LARGE1: variants seen among roughly 807,000 people sequenced by gnomAD.
LARGE1 encodes the protein LARGE xylosyl- and glucuronyltransferase 1.
A neutral mutation model predicts 87.6 loss-of-function variants in LARGE1; 43 were observed. That is an observed-to-expected ratio of 0.49 (90% confidence interval 0.38 to 0.63). The LOEUF is 0.63. LARGE1 is among the 30% of genes least tolerant of loss of function. The probability of loss-of-function intolerance (pLI) is 0.00; values close to 1 mark genes in which losing one functional copy is unlikely to be tolerated. For missense variants in LARGE1, 802 were observed against 1,000.2 expected (o/e 0.80, Z 2.67); for synonymous variants, 434 against 394.6 (o/e 1.10, Z -1.18).
chr22:33,849,078 T>G (rs1049303418), intron 1 of LARGE1, among the ~76,000 whole-genome samples: 1 of 152,230 alleles, frequency 6.6e-6, no homozygotes, highest in African/African-American at 2.4e-5. Context: ...ACAGGGACTG[T>G]GTAGAGAAAG....
At chr22:33,660,070 T>TTG (rs1160067357) in intron 2 of LARGE1, among the ~76,000 whole-genome samples, 250 of 141,152 alleles carry the variant, frequency 1.8e-3, no homozygotes, top group Middle Eastern at 7.2e-3. Context: ...AAATGTTTTG[T>TTG]TGTGTGTGTG....
At chr22:33,744,947 G>A (rs1040124031) in intron 2 of LARGE1, among the ~76,000 whole-genome samples, 2 of 152,168 alleles carry the variant, frequency 1.3e-5, no homozygotes, top group Non-Finnish European at 2.9e-5. Context: ...TGATGCTAGT[G>A]CCTCCCTGGG....
chr22:33,285,926 C>A (rs191121218), intron 12 of LARGE1, among the ~76,000 whole-genome samples: 1 of 152,302 alleles, frequency 6.6e-6, no homozygotes, highest in Admixed American at 6.5e-5. Flanking sequence ...TGGATCTCAC[C>A]AGCTCCCAGT....
At chr22:33,573,455 G>C (rs2078265548) in intron 5 of LARGE1, among the ~76,000 whole-genome samples, 1 of 152,074 alleles carries the variant, frequency 6.6e-6, no homozygotes, top group African/African-American at 2.4e-5. Context: ...AACAAAAAAA[G>C]TCATCTGCAT....
intron 1 of LARGE1, among the ~76,000 whole-genome samples, chr22:33,765,913 C>T (rs1475569095): frequency 6.6e-6 from 1 of 152,048 alleles, no homozygotes; most frequent in Admixed American, 6.6e-5. Context: ...AGTTTTAAAA[C>T]AGAATCTATG....
At chr22:33,718,541 T>C (rs769870397) in intron 2 of LARGE1, among the ~76,000 whole-genome samples, 40 of 152,366 alleles carry the variant, frequency 2.6e-4, no homozygotes, top group Non-Finnish European at 4.9e-4. Context: ...AGGTTCTTAT[T>C]GGGTGAAAAC....
the LARGE1 span, among the ~76,000 whole-genome samples, chr22:33,089,368 T>TCTTCTTCTC: frequency 1.4e-4 from 11 of 78,284 alleles, no homozygotes; most frequent in African/African-American, 2.4e-4. Flanking sequence ...TTCTTCTTCT[T>TCTTCTTCTC]CTCCTTCTTC....
At chr22:33,555,834 A>G (rs1243780093) in intron 6 of LARGE1, among the ~76,000 whole-genome samples, 1 of 151,596 alleles carries the variant, frequency 6.6e-6, no homozygotes, top group African/African-American at 2.4e-5. Context: ...GGAGGCTGAG[A>G]CAGGAGAACT....
intron 1 of LARGE1, 92 bp from the exon 2 acceptor site, chr22:33,761,650 G>A: frequency 1.5e-6 from 1 of 660,316 alleles, no homozygotes; most frequent in Non-Finnish European, 2.8e-6. Context: ...ATCCTGAAAG[G>A]GGTTCAACTG....
rs1193986369 is a variant in LARGE1, at chr22:33,550,833, T to C, written c.787+14015A>G. ...GGATAATGCAAATGTGGTATACAGA[T>C]GCATATCACAGTACAACGAAATACT... On this transcript the variant is annotated intron_variant, in intron 6 of 14. Coordinates refer to ENST00000397394, the MANE Select transcript of LARGE1 (RefSeq NM_133642.5). Among the ~76,000 whole-genome samples, 7 of 152,290 alleles carry C rather than the reference T, an allele frequency of 4.6e-5. No homozygotes were observed. In the East Asian group the frequency reaches 1.4e-3, roughly 29 times the overall value.
the LARGE1 span, among the ~76,000 whole-genome samples, chr22:33,115,820 A>AC: frequency 3.0e-4 from 46 of 151,020 alleles, no homozygotes; most frequent in Admixed American, 1.6e-3. Context: ...TGTCTCAAAA[A>AC]AAAAAAAAAA....
At chr22:33,745,891 C>T (rs1284706127) in intron 2 of LARGE1, among the ~76,000 whole-genome samples, 1 of 152,112 alleles carries the variant, frequency 6.6e-6, no homozygotes, top group African/African-American at 2.4e-5. Context: ...TCTACCTGAT[C>T]CCTGTGGAGA....
chr22:33,252,050 C>T (rs1003255457), intron 11 of LARGE1, among the ~76,000 whole-genome samples: 8 of 152,142 alleles, frequency 5.3e-5, no homozygotes, highest in African/African-American at 1.9e-4. Flanking sequence ...TTGTCCTGAC[C>T]TTTTGTTAGT....
intron 5 of LARGE1, among the ~76,000 whole-genome samples, chr22:33,595,594 T>C (rs956315821): frequency 3.9e-5 from 6 of 152,232 alleles, no homozygotes; most frequent in Admixed American, 3.9e-4. Flanking sequence ...TACACTGTCA[T>C]TTCAGGTACA....
intron 9 of LARGE1, among the ~76,000 whole-genome samples, chr22:33,356,718 G>A (rs760402127): frequency 1.1e-4 from 16 of 152,182 alleles, no homozygotes; most frequent in South Asian, 4.2e-4. Context: ...TGCAGTGAGC[G>A]GGGATCATGC....
intron 6 of LARGE1, among the ~76,000 whole-genome samples, chr22:33,479,403 G>A (rs1036322840): frequency 7.9e-5 from 12 of 152,218 alleles, no homozygotes; most frequent in African/African-American, 2.9e-4. Flanking sequence ...AGAAGGAAGA[G>A]GGAAAGGGAA....
At chr22:33,623,841 C>T (rs2079833978) in intron 4 of LARGE1, among the ~76,000 whole-genome samples, 1 of 151,882 alleles carries the variant, frequency 6.6e-6, no homozygotes, top group African/African-American at 2.4e-5. Flanking sequence ...GACCAGCTGG[C>T]CAACATGGAG....
chr22:33,623,160 A>C (rs541725090), intron 4 of LARGE1, among the ~76,000 whole-genome samples: 1 of 148,114 alleles, frequency 6.8e-6, no homozygotes, highest in African/African-American at 2.5e-5. Context: ...TTTTTAAACC[A>C]GGGAGAGACC....
intron 9 of LARGE1, among the ~76,000 whole-genome samples, chr22:33,361,123 T>C (rs141780266): frequency 0.019 from 2,829 of 148,920 alleles, 234 homozygotes; most frequent in African/African-American, 0.066. Context: ...TGAGGCAGAA[T>C]TGCTTGAACC....
Sources: allele counts gnomAD v4.1 joint callset (sites outside exome capture counted in the v4.1 genomes callset), GRCh38; gene constraint gnomAD v4.1.1; transcripts MANE v1.5; gene names NCBI Gene and HGNC (gene_info 2026-07-23, HGNC 2026-07-21).